Variants in MMP16 observed in about 807,000 individuals in gnomAD.
MMP16 encodes matrix metalloproteinase-16.
Under a neutral mutation model 67.8 loss-of-function variants are expected in MMP16, and 12 were observed. The ratio of observed to expected loss-of-function variants is 0.18; its 90% CI spans 0.11 to 0.29. The LOEUF is 0.29. Among genes scored for constraint, MMP16 ranks in the 10% least tolerant of loss-of-function variants. The pLI, the probability that MMP16 is intolerant of heterozygous loss-of-function variation, is 1.00. For synonymous variants in MMP16, 249 were observed against 255.9 expected, an observed-to-expected ratio of 0.97 and a Z score of 0.26; for missense variants, 475 against 765.7, an observed-to-expected ratio of 0.62 and a Z score of 4.48.
chr8:88,119,023 T>A (rs1312696906), intron 4 of MMP16, among the ~76,000 whole-genome samples, 162 bp from the exon 5 acceptor site: 1 of 151,924 alleles, frequency 6.6e-6, no homozygotes, highest in Non-Finnish European at 1.5e-5. Context: ...CTGGCAAAAA[T>A]CCAATAACCT....
chr8:88,133,293 T>C (rs556644055), intron 4 of MMP16, among the ~76,000 whole-genome samples: 4 of 150,850 alleles, frequency 2.7e-5, no homozygotes, highest in Non-Finnish European at 5.9e-5. Context: ...TAAAGAAAAA[T>C]TATACAGCTC....
At chr8:88,174,501 G>A (rs142098199) in intron 3 of MMP16, among the ~76,000 whole-genome samples, 83 of 152,144 alleles carry the variant, frequency 5.5e-4, no homozygotes, top group East Asian at 1.4e-3. Flanking sequence ...ACATAAATGC[G>A]TACATAGTCT....
At chr8:88,065,447 G>T (rs1808452234) in intron 7 of MMP16, among the ~76,000 whole-genome samples, 1 of 151,578 alleles carries the variant, frequency 6.6e-6, no homozygotes, top group African/African-American at 2.4e-5. Flanking sequence ...TTAAACATTT[G>T]GACCTATGTT....
intron 6 of MMP16, among the ~76,000 whole-genome samples, chr8:88,087,749 G>C (rs1808858315): frequency 6.6e-6 from 1 of 151,520 alleles, no homozygotes; most frequent in African/African-American, 2.4e-5. Flanking sequence ...TTCAAGACCA[G>C]CTGGGACAAC....
intron 4 of MMP16, among the ~76,000 whole-genome samples, chr8:88,126,124 T>C (rs549662880): frequency 1.3e-5 from 2 of 152,004 alleles, no homozygotes; most frequent in South Asian, 4.1e-4. Context: ...AAATTTTCAA[T>C]TATCTACTAT....
intron 4 of MMP16, among the ~76,000 whole-genome samples, chr8:88,140,143 C>A (rs899439977): frequency 3.3e-5 from 5 of 152,082 alleles, no homozygotes; most frequent in Non-Finnish European, 7.3e-5. Context: ...CTGGAGTCTA[C>A]TTCAAGGTAA....
At chr8:88,168,664 G>A (rs536414078) in intron 3 of MMP16, among the ~76,000 whole-genome samples, 1 of 152,104 alleles carries the variant, frequency 6.6e-6, no homozygotes, top group African/African-American at 2.4e-5. Context: ...TGATTCATTT[G>A]GCACTAAATC....
intron 6 of MMP16, among the ~76,000 whole-genome samples, chr8:88,077,511 A>T (rs1242243849): frequency 2.0e-5 from 3 of 152,132 alleles, no homozygotes; most frequent in African/African-American, 4.8e-5. Context: ...GTCATTTTAT[A>T]CAATACTTGT....
At chr8:88,238,465 C>T (rs112939745) in intron 1 of MMP16, among the ~76,000 whole-genome samples, 1 of 151,666 alleles carries the variant, frequency 6.6e-6, no homozygotes, top group Non-Finnish European at 1.5e-5. Context: ...TGAGACCAAC[C>T]CGGCCAACAT....
At chr8:88,307,424 C>T (rs1396446044) in intron 1 of MMP16, among the ~76,000 whole-genome samples, 1 of 151,838 alleles carries the variant, frequency 6.6e-6, no homozygotes, top group African/African-American at 2.4e-5. Flanking sequence ...AGCAACCAAT[C>T]CATTAAAAAT....
At chr8:88,232,865 C>T (rs1226738770) in intron 1 of MMP16, among the ~76,000 whole-genome samples, 1 of 152,124 alleles carries the variant, frequency 6.6e-6, no homozygotes, top group Non-Finnish European at 1.5e-5. Flanking sequence ...GCAAATCCTG[C>T]TTTTGGTGAG....
Position 88,038,944 on chromosome 8 carries a change from G to A in MMP16, c.*2517C>T, listed in dbSNP as rs1292245040. 6.6e-6 allele frequency: 1 copy of A among 152,052 alleles called. No individual in the cohort carries two copies. The highest frequency in any genetic ancestry group is 1.5e-5 in the Non-Finnish European group (1 of 67,940). The allele number at this position is 152,052 out of a possible 1,614,324, so 9.4% of individuals were successfully genotyped here. On this transcript the variant is annotated 3_prime_UTR_variant, in exon 10 of 10. Transcript: ENST00000286614. The surrounding 1 kb of genome is among the most constrained non-coding windows in gnomAD (Gnocchi z 4.1). ...TTTTTCTTAGGCTCATACTATATAC[G>A]CTCAGGTTGTAAGAAATAACAATCT... is the stretch of plus-strand genomic sequence containing the variant.
rs1808989160 is a variant in MMP16, at chr8:88,094,322, T to C, written c.1084-19579A>G. Among the ~76,000 whole-genome samples the C allele has an allele frequency of 2.0e-5, 3 of 151,864 alleles. No homozygotes were observed. The East Asian group carries it at 5.8e-4, about 30-fold the overall frequency. On this transcript the variant is annotated intron_variant, in intron 6 of 9. Transcript: ENST00000286614. Reference sequence around the variant, plus strand: ...TACCAAAATTATATATAGACTAACTTATAAAGAAATTATAAATATTTGAAA... The same window carrying C: ...TACCAAAATTATATATAGACTAACTCATAAAGAAATTATAAATATTTGAAA...
At position 88,286,849 on chromosome 8, in the gene MMP16, G is replaced by A. The variant is rs1586000265; in HGVS notation, c.132+40226C>T. ...GCCTCCCAAAGTGCTGGGATTACAG[G>A]CATGAGCCACCACGCCCGGCCTGGA... On this transcript the variant is annotated intron_variant, in intron 1 of 9. Coordinates refer to ENST00000286614, the MANE Select transcript of MMP16 (RefSeq NM_005941.5). 5.9e-5 allele frequency among the ~76,000 whole-genome samples: 9 copies of A among 152,238 alleles called. No homozygotes were observed. The South Asian group carries it at 1.9e-3, about 32-fold the overall frequency.
intron 1 of MMP16, among the ~76,000 whole-genome samples, chr8:88,225,691 A>T (rs547989341): frequency 4.0e-5 from 6 of 151,644 alleles, no homozygotes; most frequent in Non-Finnish European, 8.8e-5. Flanking sequence ...GTGCTCAAGT[A>T]GTATCAATAT....
intron 6 of MMP16, among the ~76,000 whole-genome samples, chr8:88,093,697 C>G (rs1808978368): frequency 6.6e-6 from 1 of 151,478 alleles, no homozygotes; most frequent in South Asian, 2.1e-4. Context: ...TTAAAATAAC[C>G]CTCAAGCAGC....
intron 6 of MMP16, among the ~76,000 whole-genome samples, chr8:88,082,339 T>G (rs1251218457): frequency 6.6e-6 from 1 of 152,140 alleles, no homozygotes; most frequent in East Asian, 1.9e-4. Flanking sequence ...AATGGCATGA[T>G]GCCTGTGGAA....
intron 1 of MMP16, among the ~76,000 whole-genome samples, chr8:88,271,660 C>T (rs1810565797): frequency 6.6e-6 from 1 of 151,920 alleles, no homozygotes; most frequent in African/African-American, 2.4e-5. Flanking sequence ...CGTTCAGCTG[C>T]AGATTTGGAT....
At chr8:88,237,473 C>G (rs1034618477) in intron 1 of MMP16, among the ~76,000 whole-genome samples, 6 of 152,060 alleles carry the variant, frequency 3.9e-5, no homozygotes, top group Admixed American at 2.0e-4. Context: ...CACAGTGAAA[C>G]CCGTCTCTAC....
Sources: gnomAD v4.1 joint callset for allele counts (sites outside exome capture counted in the v4.1 genomes callset) on GRCh38, gnomAD v4.1.1 for gene constraint, Gnocchi (gnomAD v3.1) non-coding constraint, MANE v1.5 for transcripts, NCBI Gene and HGNC (gene_info 2026-07-23, HGNC 2026-07-21) for gene names.